MGME1: variants seen among roughly 807,000 people sequenced by gnomAD.
The protein encoded by MGME1 is mitochondrial genome maintenance exonuclease 1.
Under a neutral mutation model 33.0 loss-of-function variants are expected in MGME1, and 22 were observed. The observed-to-expected ratio is 0.67, with a 90% CI of 0.48 to 0.95. MGME1 has a LOEUF of 0.95. MGME1 is among the 40% of genes least tolerant of loss of function. The pLI is 0.00. For missense variants in MGME1, 383 were observed against 397.8 expected (o/e 0.96, Z 0.32); for synonymous variants, 133 against 144.0 (o/e 0.92, Z 0.55).
At chr20:17,974,040 G>A (rs1360371421) in intron 2 of MGME1, among the ~76,000 whole-genome samples, 1 of 132,088 alleles carries the variant, frequency 7.6e-6, no homozygotes, top group Non-Finnish European at 1.6e-5. Flanking sequence ...TATTTCTTGT[G>A]TTTGTTGAGT....
upstream of MGME1, chr20:17,968,911 T>A (rs1230056980): frequency 1.9e-5 from 3 of 158,628 alleles, no homozygotes; most frequent in African/African-American, 7.2e-5. Flanking sequence ...CTCCCGCGCT[T>A]CGGAGACGCC....
chr20:17,973,203 C>T (rs55891715), intron 2 of MGME1, among the ~76,000 whole-genome samples: 18,278 of 151,902 alleles, frequency 0.12, 1,169 homozygotes, highest in Middle Eastern at 0.18. Context: ...AAAAATTAGC[C>T]GGGCGCAGCG....
In MGME1 at chr20:17,973,173, C is replaced by G. The variant is rs2035771898; in HGVS notation, c.512-2511C>G. Among the ~76,000 whole-genome samples the G allele has an allele frequency of 5.9e-5, 9 of 152,114 alleles. No individual in the cohort carries two copies. The South Asian group carries it at 1.9e-3, about 32-fold the overall frequency. On this transcript the variant is annotated intron_variant, in intron 2 of 4. Coordinates refer to ENST00000377710, the MANE Select transcript of MGME1 (RefSeq NM_052865.4). ...CAGCCTGGCCAAAATGGCGAAACCC[C>G]ATCTCTACTAAAAATACAAAAAAAT... is the stretch of plus-strand genomic sequence containing the variant.
At chr20:17,979,977 C>T (rs1451447374) in intron 3 of MGME1, among the ~76,000 whole-genome samples, 1 of 152,074 alleles carries the variant, frequency 6.6e-6, no homozygotes, top group African/African-American at 2.4e-5. Flanking sequence ...AGTGATCCAC[C>T]ACCTCAGCCT....
Position 17,989,994 on chromosome 20 carries a change from A to G in MGME1, c.920A>G (p.His307Arg), listed in dbSNP as rs770067401. The G allele has an allele frequency of 2.5e-6, 4 of 1,614,142 alleles. No homozygotes were observed. The highest frequency in any genetic ancestry group is 3.4e-6 in the Non-Finnish European group (4 of 1,180,014). Residue 307 changes from histidine (H) to arginine (R), a missense_variant, in exon 5 of 5, where the codon CAT becomes CGT. Transcript: ENST00000377710. ...AAAGATGGATCACCTGCCCACCCAC[A>G]TTTCATGGATGCAGAGCTCTGTTCC... The part of the protein sequence containing the change: ...AYKDGSPAHP[H>R]FMDAELCSQY...
chr20:17,990,410 T>TGGGCG lies in MGME1; in HGVS notation c.*304_*305insCGGGG, dbSNP rs1555792156. On this transcript the variant is annotated 3_prime_UTR_variant, in exon 5 of 5. Transcript: ENST00000377710. The stretch of plus-strand genomic sequence containing the variant: ...ACTCTTGTACTCCCTTGAGGGACAT[T>TGGGCG]GGGGGGGGGGGGGCGTGGTCCCAGG... The TGGGCG allele has an allele frequency of 1.3e-4, 6 of 44,504 alleles. No homozygotes were observed. Among genetic ancestry groups the TGGGCG allele is most frequent in the African/African-American group, 8.3e-4 (6 of 7,190 alleles). The allele number at this position is 44,504 out of a possible 1,614,324, so 2.8% of individuals were successfully genotyped here. A position where few individuals can be genotyped will look rare whatever the true frequency, so the allele number is the denominator to read the frequency against.
intron 2 of MGME1, among the ~76,000 whole-genome samples, chr20:17,974,440 TGAG>T (rs2035808990): frequency 6.6e-6 from 1 of 151,950 alleles, no homozygotes. Flanking sequence ...GCACTGAAAA[TGAG>T]GAGAGAGTTC....
intron 3 of MGME1, among the ~76,000 whole-genome samples, chr20:17,980,625 C>T (rs2035988782): frequency 6.6e-6 from 1 of 151,876 alleles, no homozygotes; most frequent in Non-Finnish European, 1.5e-5. Flanking sequence ...CTGGCTAACA[C>T]GGTGAAACCC....
intron 3 of MGME1, among the ~76,000 whole-genome samples, chr20:17,978,348 G>C (rs997206900): frequency 3.9e-5 from 6 of 152,096 alleles, no homozygotes; most frequent in African/African-American, 1.4e-4. Flanking sequence ...GGGATTAGAG[G>C]TGCACGCCAC....
At chr20:17,976,056 A>G (rs756993757) in intron 3 of MGME1, among the ~76,000 whole-genome samples, 153 bp downstream of exon 3, 1 of 152,186 alleles carries the variant, frequency 6.6e-6, no homozygotes, top group African/African-American at 2.4e-5. Flanking sequence ...GAACAGGTAC[A>G]AGGAGAAGAG....
At chr20:17,971,505 T>C (rs2035727862) in intron 2 of MGME1, among the ~76,000 whole-genome samples, 1 of 152,244 alleles carries the variant, frequency 6.6e-6, no homozygotes, top group Non-Finnish European at 1.5e-5. Context: ...TGAGAAGTTA[T>C]TTTCCTTAAA....
rs548069873 is a variant in MGME1 at position 17,981,895 on chromosome 20, C to T, written c.731+5992C>T. On this transcript the variant is annotated intron_variant, in intron 3 of 4. Coordinates refer to ENST00000377710, the MANE Select transcript of MGME1 (RefSeq NM_052865.4). Reference sequence around the variant, plus strand: ...TTCGAACTCCTGACCTAAGGTGATCCACCCATCTCAGCCTCCCAAAGTGCT... The same window carrying T: ...TTCGAACTCCTGACCTAAGGTGATCTACCCATCTCAGCCTCCCAAAGTGCT... Among the ~76,000 whole-genome samples the T allele has an allele frequency of 3.4e-5, 5 of 148,956 alleles. No homozygotes were observed. The East Asian group carries it at 8.1e-4, about 24-fold the overall frequency.
intron 2 of MGME1, 96 bp downstream of exon 2, chr20:17,970,466 C>A: frequency 7.6e-7 from 1 of 1,309,072 alleles, no homozygotes; most frequent in Non-Finnish European, 1.0e-6. Context: ...GTTTTTTTAA[C>A]TTACTAGCAA....
intron 3 of MGME1, among the ~76,000 whole-genome samples, chr20:17,978,773 GTTGTTTTTGTTT>G (rs926569591): frequency 6.6e-6 from 1 of 151,104 alleles, no homozygotes; most frequent in Admixed American, 6.6e-5. Flanking sequence ...GTTTTTTTTT[GTTGTTTTTGTTT>G]TTGTTTTTGA....
At chr20:17,980,634 C>G (rs1002175048) in intron 3 of MGME1, among the ~76,000 whole-genome samples, 2 of 151,794 alleles carry the variant, frequency 1.3e-5, no homozygotes, top group Non-Finnish European at 2.9e-5. Flanking sequence ...ACGGTGAAAC[C>G]CCATCTCTAC....
intron 3 of MGME1, among the ~76,000 whole-genome samples, chr20:17,980,103 A>G (rs1039557543): frequency 6.6e-6 from 1 of 151,976 alleles, no homozygotes; most frequent in Non-Finnish European, 1.5e-5. Context: ...TTGGCTCACT[A>G]CAACCTCTGC....
At position 17,989,933 on chromosome 20, in the gene MGME1, TC is replaced by T; in HGVS notation, c.865-4del. 1.2e-6 allele frequency: 2 copies of T among 1,612,388 alleles called. No homozygotes were observed. On this transcript the variant is annotated splice_region_variant and splice_polypyrimidine_tract_variant and intron_variant, in intron 4 of 4. Coordinates refer to ENST00000377710, the MANE Select transcript of MGME1 (RefSeq NM_052865.4). ...GAAACGAGAATTGCCCTGTGTTTCT[TC>T]CTAGGTTCAATGTGGCTTAATTGTG...
At chr20:17,968,689 GT>G (rs1568602423), upstream of MGME1, 1 of 564,078 alleles carries the variant, frequency 1.8e-6, no homozygotes, top group South Asian at 1.8e-5. Context: ...AAGACGCCAC[GT>G]GGGGCCTACC....
chr20:17,969,759 CTG>C, intron 1 of MGME1, 40 bp from the exon 2 acceptor site: 1 of 1,221,232 alleles, frequency 8.2e-7, no homozygotes, highest in East Asian at 2.4e-5. Flanking sequence ...CAATATCATT[CTG>C]ATGCAGCTTT....
Sources: gnomAD v4.1 joint callset for allele counts (sites outside exome capture counted in the v4.1 genomes callset) on GRCh38, gnomAD v4.1.1 for gene constraint, MANE v1.5 for transcripts, NCBI Gene and HGNC (gene_info 2026-07-23, HGNC 2026-07-21) for gene names.